Variants in HMGA2 observed in about 807,000 individuals in gnomAD.
HMGA2 encodes the protein high mobility group AT-hook 2, also known as high mobility group protein HMGI-C.
A neutral mutation model predicts 19.1 loss-of-function variants in HMGA2; 8 were observed. The observed-to-expected ratio is 0.42, with a 90% CI of 0.25 to 0.76. The LOEUF is 0.76. Ranked by LOEUF, HMGA2 falls within the 30% of genes least tolerant of loss-of-function variation. The pLI is 0.28. For missense variants in HMGA2, 109 were observed against 136.3 expected (o/e 0.80, Z 1.00); for synonymous variants, 60 against 48.8 (o/e 1.23, Z -0.96).
chr12:65,937,587 A>G (rs1875940791), intron 3 of HMGA2, among the ~76,000 whole-genome samples: 1 of 152,218 alleles, frequency 6.6e-6, no homozygotes, highest in Non-Finnish European at 1.5e-5. Context: ...GCAGTATGGC[A>G]CACTCATTAA....
chr12:65,853,724 A>C (rs769810792), intron 3 of HMGA2, among the ~76,000 whole-genome samples: 7 of 152,122 alleles, frequency 4.6e-5, no homozygotes, highest in Non-Finnish European at 7.4e-5. Flanking sequence ...CAGGGGTCCC[A>C]CCCTTCCTGG....
chr12:65,836,926 A>G (rs1870756627), intron 2 of HMGA2, among the ~76,000 whole-genome samples: 1 of 152,114 alleles, frequency 6.6e-6, no homozygotes, highest in African/African-American at 2.4e-5. Flanking sequence ...CTTGTATACT[A>G]CCGGGTAGTA....
At chr12:65,962,632 A>G (rs903794664) in intron 4 of HMGA2, among the ~76,000 whole-genome samples, 3 of 152,170 alleles carry the variant, frequency 2.0e-5, no homozygotes, top group African/African-American at 7.2e-5. Context: ...TGTAGGGGTC[A>G]CACACAGGTG....
chr12:65,920,689 G>A (rs1033641965), intron 3 of HMGA2, among the ~76,000 whole-genome samples: 1 of 152,180 alleles, frequency 6.6e-6, no homozygotes, highest in Non-Finnish European at 1.5e-5. Context: ...CCACTGCCAT[G>A]TAAGAAGTGC....
At chr12:65,911,704 G>A (rs968839563) in intron 3 of HMGA2, among the ~76,000 whole-genome samples, 1 of 152,054 alleles carries the variant, frequency 6.6e-6, no homozygotes, top group Admixed American at 6.5e-5. Flanking sequence ...TACATTTGGG[G>A]CCCCTTTTGG....
At chr12:65,836,946 A>G (rs1487525814) in intron 2 of HMGA2, among the ~76,000 whole-genome samples, 1 of 152,174 alleles carries the variant, frequency 6.6e-6, no homozygotes, top group African/African-American at 2.4e-5. Flanking sequence ...AGCATTGTTA[A>G]GAGGCTAGGA....
chr12:65,833,120 T>C (rs547362302), intron 2 of HMGA2, among the ~76,000 whole-genome samples: 32 of 152,178 alleles, frequency 2.1e-4, no homozygotes, highest in Non-Finnish European at 3.4e-4. Flanking sequence ...GAAAATATAT[T>C]GTGATAGCAA....
At chr12:65,945,785 CG>C (rs1386910810) in intron 3 of HMGA2, among the ~76,000 whole-genome samples, 1 of 151,958 alleles carries the variant, frequency 6.6e-6, no homozygotes, top group Non-Finnish European at 1.5e-5. Context: ...TATAAATAAC[CG>C]GTCAATTTTG....
chr12:65,902,920 T>A (rs942399708), intron 3 of HMGA2, among the ~76,000 whole-genome samples: 2 of 152,206 alleles, frequency 1.3e-5, no homozygotes, highest in African/African-American at 4.8e-5. Context: ...AAATTTTATA[T>A]CTAAATTTTG....
At chr12:65,903,534 T>A (rs1874459184) in intron 3 of HMGA2, among the ~76,000 whole-genome samples, 1 of 152,100 alleles carries the variant, frequency 6.6e-6, no homozygotes, top group African/African-American at 2.4e-5. Context: ...TACTGAGACA[T>A]CGCCGGGGAG....
chr12:65,875,096 G>T (rs953004406), intron 3 of HMGA2, among the ~76,000 whole-genome samples: 17 of 145,864 alleles, frequency 1.2e-4, no homozygotes, highest in African/African-American at 4.4e-4. Flanking sequence ...AAAATAAAAA[G>T]AAATGCTTAT....
At chr12:65,845,196 A>G (rs1448838178) in intron 3 of HMGA2, among the ~76,000 whole-genome samples, 1 of 152,168 alleles carries the variant, frequency 6.6e-6, no homozygotes, top group East Asian at 1.9e-4. Context: ...AAATGATTAT[A>G]TTCCAGGAGA....
intron 3 of HMGA2, among the ~76,000 whole-genome samples, chr12:65,937,322 C>G (rs1412673762): frequency 6.6e-6 from 1 of 152,120 alleles, no homozygotes; most frequent in Non-Finnish European, 1.5e-5. Context: ...TACTCCCCTG[C>G]TGAACTGACA....
chr12:65,836,275 A>C (rs1470716586), intron 2 of HMGA2, among the ~76,000 whole-genome samples: 4 of 151,458 alleles, frequency 2.6e-5, no homozygotes, highest in African/African-American at 4.9e-5. Context: ...AGGAGAATGG[A>C]GTGAACCCGG....
intron 3 of HMGA2, among the ~76,000 whole-genome samples, chr12:65,930,389 C>A (rs993879289): frequency 5.3e-5 from 8 of 152,172 alleles, no homozygotes; most frequent in African/African-American, 1.9e-4. Flanking sequence ...CGTACCTGCC[C>A]CTCTGTGGAA....
At chr12:65,911,435 T>A (rs1347818851) in intron 3 of HMGA2, among the ~76,000 whole-genome samples, 1 of 152,118 alleles carries the variant, frequency 6.6e-6, no homozygotes. Flanking sequence ...TGGAAACAGG[T>A]GATAGGGTAA....
chr12:65,873,183 G>A lies in HMGA2; in HGVS notation c.249+34614G>A, dbSNP rs1383277655. Among the ~76,000 whole-genome samples the A allele has an allele frequency of 2.0e-5, 3 of 152,284 alleles. No individual in the cohort carries two copies. In the East Asian group the frequency reaches 5.8e-4, roughly 29 times the overall value. On this transcript the variant is annotated intron_variant, in intron 3 of 4. Coordinates refer to ENST00000403681, the MANE Select transcript of HMGA2 (RefSeq NM_003483.6). The stretch of plus-strand genomic sequence containing the variant: ...ATTTGTTTACATGTTTTTCATGCAT[G>A]AAACTATGTCTCATCTATCTTTGTA...
At chr12:65,926,880 G>A (rs758006578) in intron 3 of HMGA2, among the ~76,000 whole-genome samples, 7 of 152,182 alleles carry the variant, frequency 4.6e-5, no homozygotes, top group African/African-American at 1.7e-4. Context: ...GAAGCAGCAC[G>A]CTGTTCATTC....
Position 65,855,155 on chromosome 12 carries a change from G to A in HMGA2, c.249+16586G>A, listed in dbSNP as rs1404753422. Among the ~76,000 whole-genome samples the A allele has an allele frequency of 3.3e-5, 5 of 152,088 alleles. No homozygotes were observed. The East Asian group carries it at 5.8e-4, about 18-fold the overall frequency. On this transcript the variant is annotated intron_variant, in intron 3 of 4. Transcript: ENST00000403681. ...ATATATTGAAACACATGCCTGTTTC[G>A]TCCTGAAGTTGTGGATGAATACCTT...
Sources: allele counts gnomAD v4.1 joint callset (sites outside exome capture counted in the v4.1 genomes callset), GRCh38; gene constraint gnomAD v4.1.1; transcripts MANE v1.5; gene names NCBI Gene and HGNC (gene_info 2026-07-23, HGNC 2026-07-21).